The following ITPR2 variants were observed in gnomAD, a reference collection of about 807,000 sequenced individuals.
The protein encoded by ITPR2 is inositol 1,4,5-trisphosphate receptor type 2, also known as inositol 1,4,5-trisphosphate-gated calcium channel ITPR2.
A neutral mutation model predicts 317.1 loss-of-function variants in ITPR2; 207 were observed. The observed-to-expected ratio is 0.65, with a 90% CI of 0.58 to 0.73. The LOEUF is 0.73. Among genes scored for constraint, ITPR2 ranks in the 30% least tolerant of loss-of-function variants. ITPR2 has a pLI of 0.00. For synonymous variants in ITPR2, 1,156 were observed against 1,149.1 expected, an observed-to-expected ratio of 1.01 and a Z score of -0.12; for missense variants, 2,613 against 3,284.0, an observed-to-expected ratio of 0.80 and a Z score of 4.99.
At chr12:26,487,695 T>C (rs1360626873) in intron 39 of ITPR2, among the ~76,000 whole-genome samples, 1 of 152,232 alleles carries the variant, frequency 6.6e-6, no homozygotes, top group Non-Finnish European at 1.5e-5. Flanking sequence ...CATGAGTTTG[T>C]AATCTAAAGT....
intron 52 of ITPR2, among the ~76,000 whole-genome samples, chr12:26,404,669 T>C (rs1224199016): frequency 6.6e-6 from 1 of 152,220 alleles, no homozygotes; most frequent in Non-Finnish European, 1.5e-5. Context: ...AGTAGTTTCC[T>C]GGGAGTTTCA....
At chr12:26,450,821 G>A (rs1323682235) in intron 45 of ITPR2, among the ~76,000 whole-genome samples, 1 of 152,122 alleles carries the variant, frequency 6.6e-6, no homozygotes, top group African/African-American at 2.4e-5. Flanking sequence ...TTTCCAGAGG[G>A]GTTGAGAACC....
chr12:26,781,789 C>T (rs1351783976), intron 2 of ITPR2, among the ~76,000 whole-genome samples: 4 of 151,876 alleles, frequency 2.6e-5, no homozygotes, highest in African/African-American at 7.2e-5. Context: ...TCTGGGTGGG[C>T]ACCATCTAAT....
intron 10 of ITPR2, among the ~76,000 whole-genome samples, chr12:26,694,999 A>G (rs1173386187): frequency 6.6e-6 from 1 of 152,176 alleles, no homozygotes; most frequent in Non-Finnish European, 1.5e-5. Flanking sequence ...TCCTAAAGCT[A>G]TGTATCAATG....
At chr12:26,373,672 A>G (rs1939253857) in intron 55 of ITPR2, 1 of 152,120 alleles carries the variant, frequency 6.6e-6, no homozygotes, top group African/African-American at 2.4e-5. Flanking sequence ...ACCAGGCCCA[A>G]CTCTGCTTAG....
At chr12:26,473,285 T>C (rs1197745403) in intron 45 of ITPR2, among the ~76,000 whole-genome samples, 1 of 152,228 alleles carries the variant, frequency 6.6e-6, no homozygotes, top group African/African-American at 2.4e-5. Flanking sequence ...CCTAAGACAC[T>C]GGTCATCTGA....
intron 10 of ITPR2, 52 bp from the exon 11 acceptor site, chr12:26,686,684 C>T: frequency 1.3e-6 from 2 of 1,483,018 alleles, no homozygotes; most frequent in Non-Finnish European, 1.8e-6. Context: ...TTGCTAAACT[C>T]TCCAATTAAT....
chr12:26,494,732 T>C (rs1365538227), intron 38 of ITPR2, among the ~76,000 whole-genome samples: 2 of 121,788 alleles, frequency 1.6e-5, no homozygotes, highest in Non-Finnish European at 3.2e-5. Context: ...ATTGCGCCAC[T>C]GCACTCTGGG....
intron 26 of ITPR2, among the ~76,000 whole-genome samples, chr12:26,611,430 G>T (rs1296264001): frequency 6.6e-6 from 1 of 152,118 alleles, no homozygotes; most frequent in Admixed American, 6.5e-5. Context: ...ACCTGAAAAT[G>T]AACTATATAG....
At position 26,475,422 on chromosome 12, in the gene ITPR2, T is replaced by TC; in HGVS notation, c.6220-5dup. On this transcript the variant is annotated splice_region_variant and splice_polypyrimidine_tract_variant and intron_variant, in intron 44 of 56. Transcript: ENST00000381340. Reference sequence around the variant, plus strand: ...AGGCATTCTTCATCACATCCACCTATCCAAAAAAAAAAAGAATATTGAAAT... The same window carrying TC: ...AGGCATTCTTCATCACATCCACCTATCCCAAAAAAAAAAAGAATATTGAAAT... 5 of 1,588,936 alleles carry TC rather than the reference T, an allele frequency of 3.1e-6. No homozygotes were observed. The highest frequency in any genetic ancestry group is 4.3e-6 in the Non-Finnish European group (5 of 1,172,102).
chr12:26,612,368 T>C (rs1049495119), intron 26 of ITPR2, among the ~76,000 whole-genome samples: 1 of 152,204 alleles, frequency 6.6e-6, no homozygotes, highest in Admixed American at 6.5e-5. Flanking sequence ...TTTACAGCCT[T>C]TGTAAGATTT....
intron 41 of ITPR2, among the ~76,000 whole-genome samples, chr12:26,484,826 C>T (rs1942629514): frequency 1.3e-5 from 2 of 152,154 alleles, no homozygotes; most frequent in South Asian, 4.2e-4. Flanking sequence ...ATTCTCCTGC[C>T]TCAGCCTCCG....
chr12:26,565,683 G>C (rs1944939170), intron 34 of ITPR2, among the ~76,000 whole-genome samples: 1 of 151,536 alleles, frequency 6.6e-6, no homozygotes, highest in Non-Finnish European at 1.5e-5. Flanking sequence ...TGCAATGGTA[G>C]CCTCAGCTAT....
At chr12:26,683,552 A>G (rs576705932) in intron 11 of ITPR2, among the ~76,000 whole-genome samples, 1 of 152,356 alleles carries the variant, frequency 6.6e-6, no homozygotes, top group Middle Eastern at 3.4e-3. Flanking sequence ...GTTCAATGTT[A>G]ATGAATCAGC....
chr12:26,729,984 G>C (rs1948999889), intron 2 of ITPR2, among the ~76,000 whole-genome samples: 1 of 151,946 alleles, frequency 6.6e-6, no homozygotes, highest in African/African-American at 2.4e-5. Flanking sequence ...AGGGGAGAGA[G>C]AGAAGTTAGG....
chr12:26,774,357 G>T (rs1949921316), intron 2 of ITPR2, among the ~76,000 whole-genome samples: 1 of 152,166 alleles, frequency 6.6e-6, no homozygotes, highest in African/African-American at 2.4e-5. Flanking sequence ...ATGGTTCTTA[G>T]CCTGGGTGTG....
intron 2 of ITPR2, among the ~76,000 whole-genome samples, chr12:26,726,506 T>C (rs1316261177): frequency 6.6e-6 from 1 of 152,218 alleles, no homozygotes; most frequent in African/African-American, 2.4e-5. Context: ...CAATCTAGAA[T>C]AAAGGTAAAT....
At chr12:26,405,120 G>A (rs1244112786) in intron 52 of ITPR2, among the ~76,000 whole-genome samples, 4 of 133,484 alleles carry the variant, frequency 3.0e-5, no homozygotes, top group Non-Finnish European at 6.3e-5. Flanking sequence ...GGCAACAAGA[G>A]CAAAACTCTG....
intron 2 of ITPR2, among the ~76,000 whole-genome samples, chr12:26,752,677 T>C (rs1279709892): frequency 1.3e-5 from 2 of 152,186 alleles, no homozygotes; most frequent in South Asian, 2.1e-4. Flanking sequence ...GTTTTATGCC[T>C]TTACTTTCTT....
Sources: gnomAD v4.1 joint callset for allele counts (sites outside exome capture counted in the v4.1 genomes callset) on GRCh38, gnomAD v4.1.1 for gene constraint, MANE v1.5 for transcripts, NCBI Gene and HGNC (gene_info 2026-07-23, HGNC 2026-07-21) for gene names.